LRRC7: variants seen among roughly 807,000 people sequenced by gnomAD.
LRRC7 encodes the protein leucine rich repeat containing 7.
Under a neutral mutation model 175.7 loss-of-function variants are expected in LRRC7, and 23 were observed. The ratio of observed to expected loss-of-function variants is 0.13; its 90% confidence interval spans 0.09 to 0.19. The LOEUF is 0.19. Ranked by LOEUF, LRRC7 falls within the 10% of genes least tolerant of loss-of-function variation. The probability of loss-of-function intolerance (pLI) is 1.00; values close to 1 mark genes in which losing one functional copy is unlikely to be tolerated. For missense variants in LRRC7, 1,354 were observed against 1,904.7 expected, an observed-to-expected ratio of 0.71 and a Z score of 5.38; for synonymous variants, 685 against 680.9, an observed-to-expected ratio of 1.01 and a Z score of -0.09.
chr1:69,955,082 T>C (rs1295963193), intron 8 of LRRC7, among the ~76,000 whole-genome samples: 1 of 152,108 alleles, frequency 6.6e-6, no homozygotes, highest in Non-Finnish European at 1.5e-5. Flanking sequence ...CTTTGCTTTG[T>C]TCTCTGTTAT....
chr1:70,086,476 C>T lies in LRRC7; in HGVS notation c.4453-3251C>T, dbSNP rs542811705. On this transcript the variant is annotated intron_variant, in intron 24 of 26. Transcript: ENST00000651989. ...GGCCAAACCATTCATTCTTTAAAAC[C>T]GGTCTCTTAAAAGAAAACTGAGTCT... Among the ~76,000 whole-genome samples, 5 of 152,208 alleles carry T rather than the reference C, an allele frequency of 3.3e-5. No individual in the cohort carries two copies. The South Asian group carries it at 8.3e-4, about 25-fold the overall frequency.
rs549169884 is a variant in LRRC7, at chr1:69,611,288, T to C, written c.2+42647T>C. ...ATAAGTATTTTTCCTAGGTTGTCAT[T>C]TGCCTTTTACCTTATTTACCTTATT... On this transcript the variant is annotated intron_variant, in intron 1 of 26. Transcript: ENST00000651989. Among the ~76,000 whole-genome samples the C allele has an allele frequency of 2.6e-5, 4 of 152,150 alleles. No homozygotes were observed. In the South Asian group the frequency reaches 8.3e-4, roughly 32 times the overall value.
At chr1:69,603,859 GT>G (rs1557468576) in intron 1 of LRRC7, among the ~76,000 whole-genome samples, 1 of 151,874 alleles carries the variant, frequency 6.6e-6, no homozygotes, top group East Asian at 1.9e-4. Context: ...AACCACTCCC[GT>G]TTGTGGTTGC....
intron 23 of LRRC7, among the ~76,000 whole-genome samples, chr1:70,069,052 A>T (rs1305465786): frequency 3.9e-5 from 6 of 152,126 alleles, no homozygotes; most frequent in Admixed American, 3.9e-4. Flanking sequence ...GGGCTGTTCA[A>T]GTTATCTATA....
chr1:69,893,065 A>G (rs1433695428), intron 7 of LRRC7, among the ~76,000 whole-genome samples: 1 of 152,184 alleles, frequency 6.6e-6, no homozygotes, highest in Non-Finnish European at 1.5e-5. Context: ...TTCATTTTTA[A>G]AAACACATCC....
chr1:69,843,720 T>C (rs1681998261), intron 7 of LRRC7, among the ~76,000 whole-genome samples: 1 of 152,026 alleles, frequency 6.6e-6, no homozygotes, highest in Non-Finnish European at 1.5e-5. Flanking sequence ...GACATACTCT[T>C]CCAAAAAGAT....
chr1:69,576,076 T>TC (rs1645934810), intron 1 of LRRC7, among the ~76,000 whole-genome samples: 1 of 151,136 alleles, frequency 6.6e-6, no homozygotes, highest in African/African-American at 2.4e-5. Flanking sequence ...TACTTTTTTT[T>TC]TTTTAAGTAG....
At chr1:69,675,967 C>A (rs1346985457) in intron 1 of LRRC7, among the ~76,000 whole-genome samples, 2 of 151,138 alleles carry the variant, frequency 1.3e-5, no homozygotes, top group East Asian at 2.0e-4. Context: ...AAAACAATTT[C>A]TTATACTTTA....
At chr1:69,936,347 T>G (rs752722276) in intron 8 of LRRC7, among the ~76,000 whole-genome samples, 7 of 152,042 alleles carry the variant, frequency 4.6e-5, no homozygotes, top group Non-Finnish European at 8.8e-5. Flanking sequence ...TAATAAAGAG[T>G]TGACATTTCT....
chr1:69,618,226 G>A (rs1271741708), intron 1 of LRRC7, among the ~76,000 whole-genome samples: 1 of 152,112 alleles, frequency 6.6e-6, no homozygotes, highest in Admixed American at 6.6e-5. Context: ...CACTGGGGCT[G>A]TGCCTTTCTT....
chr1:69,889,596 C>T (rs188632518), intron 7 of LRRC7, among the ~76,000 whole-genome samples: 1 of 152,136 alleles, frequency 6.6e-6, no homozygotes, highest in Admixed American at 6.6e-5. Context: ...TACTTCAGCC[C>T]AGAAGTTCGC....
At chr1:69,718,511 A>G (rs1665994499) in intron 2 of LRRC7, among the ~76,000 whole-genome samples, 1 of 151,804 alleles carries the variant, frequency 6.6e-6, no homozygotes, top group South Asian at 2.1e-4. Flanking sequence ...TCACAGGAAT[A>G]ATGAAAACAC....
At chr1:69,822,133 A>T (rs530168225) in intron 4 of LRRC7, among the ~76,000 whole-genome samples, 1 of 152,134 alleles carries the variant, frequency 6.6e-6, no homozygotes, top group Non-Finnish European at 1.5e-5. Context: ...TCTTGGGCAG[A>T]ATTTCTTAAG....
Position 69,608,812 on chromosome 1 carries a change from GTCTCTCTC to G in LRRC7, c.2+40219_2+40226del, listed in dbSNP as rs558298354. ...GCATCTCCTATAAGTTGCTCTGTCT[GTCTCTCTC>G]TCTCTCTCTCTCTCTCTCTCTCTCT... On this transcript the variant is annotated intron_variant, in intron 1 of 26. Transcript: ENST00000651989. Among the ~76,000 whole-genome samples, 717 of 91,330 alleles carry G rather than the reference GTCTCTCTC, an allele frequency of 7.9e-3. 1 individual carries two copies. The highest frequency in any genetic ancestry group is 0.016 in the Middle Eastern group (2 of 128). 59.9% of individuals were successfully genotyped at this position (91,330 alleles called of 152,430 possible).
chr1:70,012,291 T>A (rs188857478), intron 12 of LRRC7, among the ~76,000 whole-genome samples: 173 of 152,090 alleles, frequency 1.1e-3, no homozygotes, highest in African/African-American at 4.0e-3. Flanking sequence ...GTACATATGC[T>A]TTTTAAGGTA....
chr1:70,017,609 A>G (rs1302145681), intron 14 of LRRC7, among the ~76,000 whole-genome samples: 1 of 152,202 alleles, frequency 6.6e-6, no homozygotes, highest in Non-Finnish European at 1.5e-5. Context: ...GCATAAAAGT[A>G]GCATTACTGG....
chr1:69,980,588 C>A, intron 9 of LRRC7, 135 bp downstream of exon 9: 2 of 647,056 alleles, frequency 3.1e-6, no homozygotes, highest in Non-Finnish European at 5.1e-6. Context: ...GTTCAGTCAC[C>A]AAGTGTTTTC....
intron 7 of LRRC7, among the ~76,000 whole-genome samples, chr1:69,841,646 T>C (rs1681745346): frequency 6.6e-6 from 1 of 152,138 alleles, no homozygotes; most frequent in South Asian, 2.1e-4. Context: ...TACCGCTCTC[T>C]ATATGATTTT....
At chr1:69,788,054 C>T (rs1345116965) in intron 3 of LRRC7, among the ~76,000 whole-genome samples, 1 of 151,890 alleles carries the variant, frequency 6.6e-6, no homozygotes, top group Non-Finnish European at 1.5e-5. Context: ...CTGAGAAATA[C>T]ATGTATCCCC....
Sources: allele counts gnomAD v4.1 joint callset (sites outside exome capture counted in the v4.1 genomes callset), GRCh38; gene constraint gnomAD v4.1.1; transcripts MANE v1.5; gene names NCBI Gene and HGNC (gene_info 2026-07-23, HGNC 2026-07-21).